Variants in ADCK1 observed in about 807,000 individuals in gnomAD.
ADCK1 encodes aarF domain-containing protein kinase 1.
A neutral mutation model predicts 52.3 loss-of-function variants in ADCK1; 41 were observed. The ratio of observed to expected loss-of-function variants is 0.78; its 90% confidence interval spans 0.61 to 1.02. The LOEUF (loss-of-function observed/expected upper bound fraction) is 1.02, where lower values mean the gene tolerates loss of function less well. Ranked by LOEUF, ADCK1 falls within the 50% of genes least tolerant of loss-of-function variation. The pLI, the probability that ADCK1 is intolerant of heterozygous loss-of-function variation, is 0.00. For synonymous variants in ADCK1, 250 were observed against 274.6 expected, an observed-to-expected ratio of 0.91 and a Z score of 0.89; for missense variants, 658 against 679.5, an observed-to-expected ratio of 0.97 and a Z score of 0.35.
At chr14:77,870,390 G>T (rs1453725594) in intron 4 of ADCK1, among the ~76,000 whole-genome samples, 5 of 152,198 alleles carry the variant, frequency 3.3e-5, no homozygotes, top group Non-Finnish European at 7.3e-5. Context: ...AAGTTTTAGG[G>T]TATCTTCTTA....
chr14:77,918,409 C>G (rs1167224825), intron 7 of ADCK1, among the ~76,000 whole-genome samples: 1 of 152,210 alleles, frequency 6.6e-6, no homozygotes, highest in Non-Finnish European at 1.5e-5. Flanking sequence ...TAAGTTATTA[C>G]TGTCAGATGT....
At chr14:77,837,533 T>C (rs2081986631) in intron 3 of ADCK1, among the ~76,000 whole-genome samples, 1 of 152,232 alleles carries the variant, frequency 6.6e-6, no homozygotes, top group African/African-American at 2.4e-5. Flanking sequence ...ACATATTGTT[T>C]TGGGGGCCAC....
intron 2 of ADCK1, among the ~76,000 whole-genome samples, chr14:77,819,326 C>T (rs193105971): frequency 1.3e-5 from 2 of 152,284 alleles, no homozygotes; most frequent in African/African-American, 4.8e-5. Flanking sequence ...TCCTTTATTC[C>T]TGTACCTCAG....
rs2081604428 is a variant in ADCK1, at chr14:77,822,482, T to C, written c.183T>C (p.Pro61=). Residue 61 remains proline, a synonymous_variant, in exon 3 of 11, where the codon CCT becomes CCC. Coordinates refer to ENST00000238561, the MANE Select transcript of ADCK1 (RefSeq NM_020421.4). ...ACCTCACTTCCCTGAAGAGTGTCCC[T>C]TATGGCTCAGAGGAGTACTTGCAGC... ...YDYLTSLKSV[P]YGSEEYLQLR... 2 of 1,614,030 alleles carry C rather than the reference T, an allele frequency of 1.2e-6. No individual in the cohort carries two copies. The highest frequency in any genetic ancestry group is 1.7e-6 in the Non-Finnish European group (2 of 1,180,000).
chr14:77,877,385 G>A (rs1332589802), intron 4 of ADCK1, among the ~76,000 whole-genome samples: 1 of 152,230 alleles, frequency 6.6e-6, no homozygotes. Context: ...TGTGCTTTGT[G>A]GATGCAGGAA....
chr14:77,839,004 A>G (rs1277898252), intron 3 of ADCK1, among the ~76,000 whole-genome samples: 1 of 152,228 alleles, frequency 6.6e-6, no homozygotes, highest in Non-Finnish European at 1.5e-5. Context: ...CTGTGTCTGC[A>G]GCACTAAGAA....
intron 4 of ADCK1, among the ~76,000 whole-genome samples, chr14:77,872,361 G>A (rs1566687274): frequency 6.6e-6 from 1 of 152,176 alleles, no homozygotes; most frequent in Non-Finnish European, 1.5e-5. Flanking sequence ...TGAGTGACCC[G>A]AGAGATCTGT....
chr14:77,822,653 G>A, intron 3 of ADCK1, 135 bp downstream of exon 3: 2 of 753,400 alleles, frequency 2.7e-6, no homozygotes, highest in Middle Eastern at 6.5e-4. Flanking sequence ...CCCGGCCTAG[G>A]ATTGGATAAA....
intron 3 of ADCK1, among the ~76,000 whole-genome samples, chr14:77,842,892 CTT>C (rs113174346): frequency 1.5e-3 from 183 of 122,634 alleles, no homozygotes; most frequent in South Asian, 4.2e-3. Flanking sequence ...TTCTTTCTTT[CTT>C]TTTTTTTTTT....
In ADCK1 at chr14:77,933,605, C is replaced by A. The variant is rs756071748; in HGVS notation, c.*214C>A. ...CTGAACTGTGGCATAGCTCTCTCTT[C>A]TTCTCCAAGAAGACTCAGCAGCCTA... On this transcript the variant is annotated 3_prime_UTR_variant, in exon 11 of 11. Transcript: ENST00000238561. 13 of 556,610 alleles carry A rather than the reference C, an allele frequency of 2.3e-5. No individual in the cohort carries two copies. Among genetic ancestry groups the A allele is most frequent in the Non-Finnish European group, 4.1e-5 (13 of 318,084 alleles). 34.5% of individuals were successfully genotyped at this position (556,610 alleles called of 1,614,324 possible).
At chr14:77,912,289 G>A (rs1036546730) in intron 7 of ADCK1, among the ~76,000 whole-genome samples, 1 of 152,146 alleles carries the variant, frequency 6.6e-6, no homozygotes, top group African/African-American at 2.4e-5. Flanking sequence ...GTGGGCTATG[G>A]GCCACTATGG....
chr14:77,851,241 C>T (rs1436697911), intron 3 of ADCK1, among the ~76,000 whole-genome samples: 1 of 151,850 alleles, frequency 6.6e-6, no homozygotes, highest in Non-Finnish European at 1.5e-5. Flanking sequence ...CCTCAGCTTC[C>T]CGAGTAGCTG....
At chr14:77,917,634 A>G (rs894023275) in intron 7 of ADCK1, among the ~76,000 whole-genome samples, 2 of 152,238 alleles carry the variant, frequency 1.3e-5, no homozygotes, top group Non-Finnish European at 2.9e-5. Context: ...CTGTTAGAGA[A>G]TAAAGGCATT....
chr14:77,876,602 T>TA (rs1444666903), intron 4 of ADCK1, among the ~76,000 whole-genome samples: 1 of 152,216 alleles, frequency 6.6e-6, no homozygotes, highest in African/African-American at 2.4e-5. Flanking sequence ...GTTACCTCTG[T>TA]AGTGGTGGCA....
At chr14:77,806,732 TTA>T (rs2139993133) in intron 1 of ADCK1, among the ~76,000 whole-genome samples, 1 of 152,268 alleles carries the variant, frequency 6.6e-6, no homozygotes, top group African/African-American at 2.4e-5. Flanking sequence ...CACTCTTTTT[TTA>T]GACAGAGTAT....
chr14:77,834,687 C>T (rs975683189), intron 3 of ADCK1, among the ~76,000 whole-genome samples: 25 of 152,232 alleles, frequency 1.6e-4, no homozygotes, highest in African/African-American at 5.5e-4. Context: ...CAGTTCCTCT[C>T]GTGTGCATGT....
intron 2 of ADCK1, 108 bp from the exon 3 acceptor site, chr14:77,822,327 T>C: frequency 1.2e-6 from 1 of 854,590 alleles, no homozygotes; most frequent in Non-Finnish European, 2.0e-6. Flanking sequence ...GACTGGCCAC[T>C]CCCCCAGACA....
intron 4 of ADCK1, among the ~76,000 whole-genome samples, chr14:77,881,609 T>C (rs1477505943): frequency 6.6e-6 from 1 of 152,232 alleles, no homozygotes; most frequent in Non-Finnish European, 1.5e-5. Flanking sequence ...TCAGGGCATG[T>C]CACTTCCATG....
intron 3 of ADCK1, among the ~76,000 whole-genome samples, chr14:77,842,653 C>T (rs1343833843): frequency 1.3e-5 from 2 of 151,770 alleles, no homozygotes; most frequent in Non-Finnish European, 2.9e-5. Flanking sequence ...TGGGTTCAAG[C>T]AAATCTCCTG....
Sources: allele counts gnomAD v4.1 joint callset (sites outside exome capture counted in the v4.1 genomes callset), GRCh38; gene constraint gnomAD v4.1.1; transcripts MANE v1.5; gene names NCBI Gene and HGNC (gene_info 2026-07-23, HGNC 2026-07-21).